EHMT1: variants seen among roughly 807,000 people sequenced by gnomAD.
EHMT1 encodes the protein histone-lysine N-methyltransferase EHMT1.
A neutral mutation model predicts 147.2 loss-of-function variants in EHMT1; 15 were observed. The ratio of observed to expected loss-of-function variants is 0.10; its 90% CI spans 0.07 to 0.16. EHMT1 has a LOEUF of 0.16. Among genes scored for constraint, EHMT1 ranks in the 10% least tolerant of loss-of-function variants. The probability of loss-of-function intolerance (pLI) is 1.00; values close to 1 mark genes in which losing one functional copy is unlikely to be tolerated. For synonymous variants in EHMT1, 795 were observed against 709.6 expected, an observed-to-expected ratio of 1.12 and a Z score of -1.91; for missense variants, 1,587 against 1,772.4, an observed-to-expected ratio of 0.90 and a Z score of 1.88.
At chr9:137,733,087 G>A (rs1229323478) in intron 4 of EHMT1, among the ~76,000 whole-genome samples, 1 of 152,188 alleles carries the variant, frequency 6.6e-6, no homozygotes, top group Non-Finnish European at 1.5e-5. Context: ...TTTAGATGGA[G>A]GGTGGCTGTG....
intron 8 of EHMT1, among the ~76,000 whole-genome samples, chr9:137,755,296 A>G (rs1416219261): frequency 6.6e-6 from 1 of 151,588 alleles, no homozygotes; most frequent in Non-Finnish European, 1.5e-5. Flanking sequence ...GTTTCCATGT[A>G]TTGGTTAGTG....
intron 10 of EHMT1, among the ~76,000 whole-genome samples, chr9:137,768,025 C>T (rs1233336010): frequency 6.6e-6 from 1 of 152,136 alleles, no homozygotes; most frequent in East Asian, 1.9e-4. Context: ...CTACAGTATT[C>T]AGTACAGTCA....
At chr9:137,661,885 C>T (rs900375863) in intron 1 of EHMT1, among the ~76,000 whole-genome samples, 4 of 152,132 alleles carry the variant, frequency 2.6e-5, no homozygotes, top group African/African-American at 7.2e-5. Context: ...TCACTGCAGC[C>T]GCCGCCTCCT....
At chr9:137,718,671 TC>T (rs1209271497) in intron 3 of EHMT1, among the ~76,000 whole-genome samples, 4 of 152,114 alleles carry the variant, frequency 2.6e-5, no homozygotes, top group Non-Finnish European at 5.9e-5. Context: ...TTGCTGTTCA[TC>T]CCATATATTG....
Position 137,731,959 on chromosome 9 carries a change from C to T in EHMT1, c.823+3430C>T, listed in dbSNP as rs1243464312. On this transcript the variant is annotated intron_variant, in intron 4 of 26. Transcript: ENST00000460843. The surrounding 1 kb of genome is among the most constrained non-coding windows in gnomAD (Gnocchi z 4.3). Reference sequence around the variant, plus strand: ...CGCTGGCGTCTAGATGAGGGGAACACGGTGGTGCCCCAAAACTCGGAGTCA... The same window carrying T: ...CGCTGGCGTCTAGATGAGGGGAACATGGTGGTGCCCCAAAACTCGGAGTCA... Among the ~76,000 whole-genome samples the T allele has an allele frequency of 6.6e-6, 1 of 152,214 alleles. No homozygotes were observed. The highest frequency in any genetic ancestry group is 1.5e-5 in the Non-Finnish European group (1 of 68,030).
At chr9:137,675,452 T>A (rs999695612) in intron 1 of EHMT1, among the ~76,000 whole-genome samples, 5 of 152,060 alleles carry the variant, frequency 3.3e-5, no homozygotes, top group African/African-American at 1.2e-4. Context: ...TCTCTTTTAC[T>A]TTTTAAATTT....
rs1163240750 is a variant in EHMT1, at chr9:137,774,043, C to T, written c.1648-1066C>T. Among the ~76,000 whole-genome samples, 3 of 152,286 alleles carry T rather than the reference C, an allele frequency of 2.0e-5. No individual in the cohort carries two copies. The East Asian group carries it at 5.8e-4, about 29-fold the overall frequency. ...CAGAATCCTCCAGTGACCATGTTCC[C>T]CAGTCAGGCCCCAGACTCTGTGTCC... On this transcript the variant is annotated intron_variant, in intron 10 of 26. Coordinates refer to ENST00000460843, the MANE Select transcript of EHMT1 (RefSeq NM_024757.5).
intron 10 of EHMT1, among the ~76,000 whole-genome samples, chr9:137,769,302 C>A (rs1282630758): frequency 2.0e-5 from 3 of 152,054 alleles, no homozygotes; most frequent in Non-Finnish European, 2.9e-5. Flanking sequence ...AATAGTTTAA[C>A]CTTCATCTTA....
rs1945410126 is a variant in EHMT1, at chr9:137,717,187, T to G, written c.642+5T>G. On this transcript the variant is annotated splice_donor_5th_base_variant and intron_variant, in intron 3 of 26. Transcript: ENST00000460843. ...CCGAAGTCCGTCGTGGGCCTGGTAA[T>G]TTTGTGTCTTCTCTTGCTGTTTCCT... 8 of 1,611,258 alleles carry G rather than the reference T, an allele frequency of 5.0e-6. No homozygotes were observed. The South Asian group carries it at 8.8e-5, about 18-fold the overall frequency.
At chr9:137,769,001 T>C (rs1950427551) in intron 10 of EHMT1, among the ~76,000 whole-genome samples, 1 of 152,234 alleles carries the variant, frequency 6.6e-6, no homozygotes, top group South Asian at 2.1e-4. Context: ...CTGCATTCTT[T>C]TGAATTTGAA....
At chr9:137,804,179 C>G (rs1953739518) in intron 18 of EHMT1, among the ~76,000 whole-genome samples, 1 of 152,182 alleles carries the variant, frequency 6.6e-6, no homozygotes, top group African/African-American at 2.4e-5. Flanking sequence ...TCAGGTCCCT[C>G]CCTTGACACA....
rs1468606746 is a variant in EHMT1 at position 137,776,483 on chromosome 9, T to C, written c.1792-135T>C. On this transcript the variant is annotated intron_variant, in intron 11 of 26. Transcript: ENST00000460843. The surrounding 1 kb of genome is among the most constrained non-coding windows in gnomAD (Gnocchi z 4.4). ...TCTTAACGATGCCTGGGGCCAAGACTGGACCCCACCCCGACCCATGGCTCA... is the reference window on the plus strand; with the variant it reads ...TCTTAACGATGCCTGGGGCCAAGACCGGACCCCACCCCGACCCATGGCTCA... The C allele has an allele frequency of 3.7e-6, 3 of 807,614 alleles. No individual in the cohort carries two copies. The East Asian group carries it at 8.1e-5, about 22-fold the overall frequency. The allele number at this position is 807,614 out of a possible 1,614,324, so 50.0% of individuals were successfully genotyped here. A position where few individuals can be genotyped will look rare whatever the true frequency, so the allele number is the denominator to read the frequency against.
At chr9:137,721,212 C>T in intron 3 of EHMT1, among the ~76,000 whole-genome samples, 1 of 146,226 alleles carries the variant, frequency 6.8e-6, no homozygotes, top group Non-Finnish European at 1.5e-5. Flanking sequence ...CCCTCCCAGA[C>T]TTCTCACACT....
chr9:137,756,755 T>G (rs569032529), intron 8 of EHMT1, among the ~76,000 whole-genome samples: 1 of 152,270 alleles, frequency 6.6e-6, no homozygotes, highest in East Asian at 1.9e-4. Context: ...ATGTGTGCTT[T>G]TAAATATTCA....
intron 2 of EHMT1, 77 bp downstream of exon 2, chr9:137,711,107 T>C: frequency 6.9e-7 from 1 of 1,446,216 alleles, no homozygotes. Context: ...TCCTCTCTTA[T>C]TAGTCCCCGT....
At chr9:137,619,081 G>T in intron 1 of EHMT1, 32 bp downstream of exon 1, 1 of 788,270 alleles carries the variant, frequency 1.3e-6, no homozygotes, top group South Asian at 5.5e-5. Context: ...GGGCGGCGCG[G>T]GGGCGGCGGG....
chr9:137,765,668 C>T (rs1950169432), intron 10 of EHMT1, among the ~76,000 whole-genome samples: 1 of 1,788 alleles, frequency 5.6e-4, no homozygotes, highest in Non-Finnish European at 7.4e-4. Context: ...CCCCACTCCC[C>T]CCGCCCCCGC....
intron 1 of EHMT1, among the ~76,000 whole-genome samples, chr9:137,703,126 T>C (rs1943974211): frequency 6.6e-6 from 1 of 152,206 alleles, no homozygotes; most frequent in South Asian, 2.1e-4. Context: ...GTGGCTGTGA[T>C]GCCGGACACC....
At chr9:137,831,336 G>C (rs147071386) in intron 25 of EHMT1, among the ~76,000 whole-genome samples, 29 of 152,168 alleles carry the variant, frequency 1.9e-4, no homozygotes, top group African/African-American at 7.0e-4. Context: ...CCTTTCTCCC[G>C]ACAGGATTTG....
Sources: allele counts gnomAD v4.1 joint callset (sites outside exome capture counted in the v4.1 genomes callset), GRCh38; gene constraint gnomAD v4.1.1; non-coding constraint Gnocchi (gnomAD v3.1); transcripts MANE v1.5; gene names NCBI Gene and HGNC (gene_info 2026-07-23, HGNC 2026-07-21).